The following MYO19 variants were observed in gnomAD, a reference collection of about 807,000 sequenced individuals.
MYO19 encodes the protein unconventional myosin-XIX.
A neutral mutation model predicts 129.2 loss-of-function variants in MYO19; 132 were observed. The ratio of observed to expected loss-of-function variants is 1.02; its 90% confidence interval spans 0.89 to 1.18. The LOEUF (loss-of-function observed/expected upper bound fraction) is 1.18, where lower values mean the gene tolerates loss of function less well. MYO19 is among the 50% of genes most tolerant of loss of function. The pLI is 0.00. For synonymous variants in MYO19, 531 were observed against 477.2 expected (o/e 1.11, Z -1.47); for missense variants, 1,210 against 1,216.7 (o/e 0.99, Z 0.08).
intron 21 of MYO19, chr17:36,502,784 T>G: frequency 2.5e-6 from 1 of 393,784 alleles, no homozygotes; most frequent in Non-Finnish European, 4.6e-6. Context: ...CTCTAGGCCT[T>G]TGTTCAGATT....
rs141763632 is a variant in MYO19 at position 36,498,262 on chromosome 17, G to A, written c.2757+4C>T. Reference sequence around the variant, plus strand: ...AGCTGTCATGGCCATCACACACAACGTACCTGAGGCAGCGCTCGGATGGAC... The same window carrying A: ...AGCTGTCATGGCCATCACACACAACATACCTGAGGCAGCGCTCGGATGGAC... On this transcript the variant is annotated splice_donor_region_variant and intron_variant, in intron 25 of 25. Transcript: ENST00000614623. The A allele has an allele frequency of 1.2e-4, 192 of 1,608,428 alleles. No individual in the cohort carries two copies. Among genetic ancestry groups the A allele is most frequent in the Non-Finnish European group, 1.6e-4 (183 of 1,177,194 alleles).
intron 6 of MYO19, among the ~76,000 whole-genome samples, chr17:36,523,223 G>A (rs1023877099): frequency 1.3e-5 from 2 of 150,740 alleles, no homozygotes; most frequent in African/African-American, 4.9e-5. Flanking sequence ...TAAAGAGAAC[G>A]CTATGGGTTC....
intron 23 of MYO19, chr17:36,500,491 G>GA: frequency 3.7e-6 from 1 of 270,630 alleles, no homozygotes; most frequent in Non-Finnish European, 7.0e-6. Context: ...TCCAGCCCTA[G>GA]AGCCCAGCAG....
intron 25 of MYO19, chr17:36,497,943 G>A: frequency 3.0e-6 from 1 of 331,098 alleles, no homozygotes; most frequent in Non-Finnish European, 5.5e-6. Flanking sequence ...GGTTCTCACA[G>A]TGTGGTTCAT....
chr17:36,542,767 T>C (rs2074203665), intron 1 of MYO19, among the ~76,000 whole-genome samples: 2 of 152,012 alleles, frequency 1.3e-5, no homozygotes, highest in East Asian at 1.9e-4. Context: ...CTCTAGATAC[T>C]GAAGGCCACA....
At chr17:36,542,778 G>A (rs1465934007) in intron 1 of MYO19, among the ~76,000 whole-genome samples, 1 of 151,246 alleles carries the variant, frequency 6.6e-6, no homozygotes, top group Non-Finnish European at 1.5e-5. Context: ...GAAGGCCACA[G>A]TATCTTGGCT....
chr17:36,515,744 TCA>T, intron 7 of MYO19, 112 bp downstream of exon 7: 4 of 1,173,644 alleles, frequency 3.4e-6, no homozygotes, highest in Non-Finnish European at 4.8e-6. Context: ...AAGGATACAC[TCA>T]TCCTCCACCC....
At chr17:36,511,175 A>C in intron 12 of MYO19, 190 bp downstream of exon 12, 1 of 677,188 alleles carries the variant, frequency 1.5e-6, no homozygotes, top group Non-Finnish European at 2.5e-6. Context: ...TCTCATCTTT[A>C]AGATGGGGAC....
chr17:36,526,607 C>T (rs1049173870), intron 5 of MYO19, among the ~76,000 whole-genome samples: 3 of 152,186 alleles, frequency 2.0e-5, no homozygotes, highest in Admixed American at 2.0e-4. Context: ...GGTAGTTTTG[C>T]TGGACTCAGT....
At chr17:36,504,590 G>A (rs2071751406) in intron 19 of MYO19, 1 of 156,558 alleles carries the variant, frequency 6.4e-6, no homozygotes, top group Non-Finnish European at 1.4e-5. Flanking sequence ...GCAGCTGCTG[G>A]CTAGAGTGCT....
intron 11 of MYO19, 70 bp downstream of exon 11, chr17:36,513,359 G>C (rs761643982): frequency 6.8e-6 from 11 of 1,613,048 alleles, no homozygotes; most frequent in Non-Finnish European, 8.5e-6. Context: ...TCCAAGTCCA[G>C]GGAAAAGCTC....
chr17:36,519,637 G>T (rs571359867), intron 6 of MYO19, among the ~76,000 whole-genome samples: 1 of 97,498 alleles, frequency 1.0e-5, no homozygotes, highest in Non-Finnish European at 2.3e-5. Context: ...CTTCTAAAGA[G>T]ACAAAAAAAA....
At chr17:36,511,581 C>T in intron 11 of MYO19, 126 bp from the exon 12 acceptor site, 1 of 715,220 alleles carries the variant, frequency 1.4e-6, no homozygotes, top group East Asian at 2.8e-5. Context: ...GCCCAAGTGC[C>T]CATCTCTGCC....
Position 36,507,780 on chromosome 17 carries a change from C to T in MYO19, c.1353+23G>A, listed in dbSNP as rs2072023330. 12 of 1,582,342 alleles carry T rather than the reference C, an allele frequency of 7.6e-6. No individual in the cohort carries two copies. The African/African-American group carries it at 1.1e-4, about 14-fold the overall frequency. ...TTGAGGATCCAAAAGAAGGACCTGC[C>T]TCCTGCTCACCCCATCCCTCACCTG... is the stretch of plus-strand genomic sequence containing the variant. On this transcript the variant is annotated intron_variant, in intron 15 of 25. Transcript: ENST00000614623.
intron 17 of MYO19, 130 bp from the exon 18 acceptor site, chr17:36,506,738 T>C (rs2242309): frequency 0.14 from 174,227 of 1,219,300 alleles, 14,771 homozygotes; most frequent in African/African-American, 0.32. Context: ...AGAAGGTCCA[T>C]TGGACAACCA....
chr17:36,535,909 G>T (rs2074105907), upstream of MYO19, among the ~76,000 whole-genome samples: 1 of 149,780 alleles, frequency 6.7e-6, no homozygotes, highest in Non-Finnish European at 1.5e-5. Flanking sequence ...CACTTCTCTC[G>T]GCTAGGACTT....
rs368379832 is a variant in MYO19, at chr17:36,505,250, G to A, written c.1905+47C>T. ...TGCCCTTCATCTCTCCAGGGCCTTG[G>A]CCAGATGGGGTTTGGTGCGAAGCAG... On this transcript the variant is annotated intron_variant, in intron 19 of 25. Transcript: ENST00000614623. 81 of 1,527,876 alleles carry A rather than the reference G, an allele frequency of 5.3e-5. No homozygotes were observed. In the African/African-American group the frequency reaches 1.1e-3, roughly 20 times the overall value. The allele number at this position is 1,527,876 out of a possible 1,614,324, so 94.6% of individuals were successfully genotyped here. A position where few individuals can be genotyped will look rare whatever the true frequency, so the allele number is the denominator to read the frequency against.
chr17:36,518,590 GTA>G (rs1460829845), intron 6 of MYO19, among the ~76,000 whole-genome samples: 42 of 116,258 alleles, frequency 3.6e-4, no homozygotes, highest in African/African-American at 1.1e-3. Context: ...ATAAAAGTAT[GTA>G]TATATATATA....
chr17:36,536,898 C>T (rs540253944), upstream of MYO19, among the ~76,000 whole-genome samples: 170 of 152,276 alleles, frequency 1.1e-3, no homozygotes, highest in Middle Eastern at 6.8e-3. Flanking sequence ...ATTAGTATGA[C>T]ATTTCTATCT....
Sources: allele counts gnomAD v4.1 joint callset (sites outside exome capture counted in the v4.1 genomes callset), GRCh38; gene constraint gnomAD v4.1.1; transcripts MANE v1.5; gene names NCBI Gene and HGNC (gene_info 2026-07-23, HGNC 2026-07-21).